The following ANKS1B variants were observed in gnomAD, a reference collection of about 807,000 sequenced individuals.
ANKS1B encodes ankyrin repeat and sterile alpha motif domain-containing protein 1B.
Under a neutral mutation model 148.3 loss-of-function variants are expected in ANKS1B, and 36 were observed. The observed-to-expected ratio is 0.24, with a 90% CI of 0.19 to 0.32. ANKS1B has a LOEUF of 0.32. Ranked by LOEUF, ANKS1B falls within the 10% of genes least tolerant of loss-of-function variation. The pLI, the probability that ANKS1B is intolerant of heterozygous loss-of-function variation, is 1.00. For missense variants in ANKS1B, 1,157 were observed against 1,542.6 expected (o/e 0.75, Z 4.19); for synonymous variants, 542 against 560.8 (o/e 0.97, Z 0.47).
chr12:99,950,414 C>A (rs1281891729), intron 1 of ANKS1B, among the ~76,000 whole-genome samples: 1 of 151,962 alleles, frequency 6.6e-6, no homozygotes, highest in African/African-American at 2.4e-5. Flanking sequence ...GCATCCTCCC[C>A]ACTCTCCTTC....
chr12:99,761,189 C>T (rs2062075891), intron 8 of ANKS1B, among the ~76,000 whole-genome samples: 1 of 151,426 alleles, frequency 6.6e-6, no homozygotes, highest in Non-Finnish European at 1.5e-5. Flanking sequence ...ATGAACTCCT[C>T]CCTAACTCAT....
At position 98,735,251 on chromosome 12, in the gene ANKS1B, A is replaced by G. The variant is rs2097767853; in HGVS notation, c.*309T>C. The G allele has an allele frequency of 2.5e-5, 10 of 399,040 alleles. No homozygotes were observed. In the South Asian group the frequency reaches 8.8e-4, roughly 35 times the overall value. The allele number at this position is 399,040 out of a possible 1,614,324, so 24.7% of individuals were successfully genotyped here. A position where few individuals can be genotyped will look rare whatever the true frequency, so the allele number is the denominator to read the frequency against. On this transcript the variant is annotated 3_prime_UTR_variant, in exon 10 of 10. Coordinates refer to the ANKS1B transcript ENST00000341752. ...ATTTTCCCTTGCTGTATTTTTTTGTATTATAAATTACATTGGACTTCATAT... is the reference window on the plus strand; with the variant it reads ...ATTTTCCCTTGCTGTATTTTTTTGTGTTATAAATTACATTGGACTTCATAT...
intron 14 of ANKS1B, among the ~76,000 whole-genome samples, chr12:99,211,331 G>A (rs1245280036): frequency 1.3e-5 from 2 of 152,162 alleles, no homozygotes; most frequent in Non-Finnish European, 2.9e-5. Context: ...AACCAGGAGA[G>A]TGAGAGATAA....
At chr12:98,782,704 C>A (rs2098749354) in intron 22 of ANKS1B, among the ~76,000 whole-genome samples, 1 of 152,152 alleles carries the variant, frequency 6.6e-6, no homozygotes, top group Admixed American at 6.5e-5. Context: ...GTTTCAAAAA[C>A]AATGGCTTAC....
At chr12:98,909,053 A>C (rs1405117421) in intron 17 of ANKS1B, among the ~76,000 whole-genome samples, 3 of 152,228 alleles carry the variant, frequency 2.0e-5, no homozygotes, top group Non-Finnish European at 4.4e-5. Flanking sequence ...GAAAACAGAC[A>C]GCTTGTGCCA....
At chr12:99,698,835 T>A (rs1256897072) in intron 8 of ANKS1B, among the ~76,000 whole-genome samples, 1 of 152,172 alleles carries the variant, frequency 6.6e-6, no homozygotes, top group Non-Finnish European at 1.5e-5. Context: ...ATTTCTCTCC[T>A]TAAGGCCTAT....
intron 10 of ANKS1B, among the ~76,000 whole-genome samples, chr12:99,488,701 G>A (rs2096526429): frequency 1.3e-5 from 2 of 152,116 alleles, no homozygotes; most frequent in East Asian, 1.9e-4. Flanking sequence ...GCCCACTGCT[G>A]GACCAAGTCA....
intron 11 of ANKS1B, among the ~76,000 whole-genome samples, chr12:99,441,429 T>C (rs1165171365): frequency 2.0e-5 from 3 of 151,872 alleles, no homozygotes; most frequent in Non-Finnish European, 4.4e-5. Context: ...CATGTGAATA[T>C]ACTACTCCCT....
intron 10 of ANKS1B, among the ~76,000 whole-genome samples, chr12:99,493,532 T>C (rs933412888): frequency 2.0e-5 from 3 of 152,108 alleles, no homozygotes; most frequent in Non-Finnish European, 4.4e-5. Flanking sequence ...GCAGATGGAT[T>C]TGAGAGATAT....
At chr12:99,550,451 C>T (rs2097207567) in intron 9 of ANKS1B, among the ~76,000 whole-genome samples, 2 of 151,994 alleles carry the variant, frequency 1.3e-5, no homozygotes, top group Admixed American at 1.3e-4. Flanking sequence ...TGGTGAAACT[C>T]CGTCTCTACT....
chr12:99,473,146 CTATT>C lies in ANKS1B; in HGVS notation c.1439-29341_1439-29338del, dbSNP rs201678790. Among the ~76,000 whole-genome samples, 1,504 of 152,016 alleles carry C rather than the reference CTATT, an allele frequency of 9.9e-3. 24 individuals are homozygous for C. Among genetic ancestry groups the C allele is most frequent in the African/African-American group, 0.034 (1,429 of 41,518 alleles). On this transcript the variant is annotated intron_variant, in intron 10 of 26. Coordinates refer to ENST00000683438, the MANE Select transcript of ANKS1B (RefSeq NM_001352186.2). ...ATCCGTCTGTGCCTTTATACTTTTA[CTATT>C]TATGTATATAGTCATTAGACATATT...
intron 9 of ANKS1B, among the ~76,000 whole-genome samples, chr12:99,518,422 T>C (rs1348827005): frequency 1.3e-5 from 2 of 152,190 alleles, no homozygotes; most frequent in Non-Finnish European, 2.9e-5. Flanking sequence ...TTTGAATTTC[T>C]TTATGGCTCA....
intron 9 of ANKS1B, among the ~76,000 whole-genome samples, chr12:99,512,293 C>T (rs1177662421): frequency 6.6e-6 from 1 of 151,848 alleles, no homozygotes. Flanking sequence ...GTCCAACGAA[C>T]ATGAAAAAAA....
intron 8 of ANKS1B, among the ~76,000 whole-genome samples, chr12:99,744,197 A>G (rs577167701): frequency 6.6e-6 from 1 of 152,312 alleles, no homozygotes; most frequent in Admixed American, 6.5e-5. Flanking sequence ...TGAAGGGGAA[A>G]GGTTTCAAGT....
intron 17 of ANKS1B, among the ~76,000 whole-genome samples, chr12:98,994,558 G>A (rs547133388): frequency 1.3e-5 from 2 of 152,300 alleles, no homozygotes; most frequent in East Asian, 1.9e-4. Context: ...GGCGGAGGTT[G>A]CAGTGAGCCA....
At chr12:99,857,729 C>T (rs1156722536) in intron 1 of ANKS1B, among the ~76,000 whole-genome samples, 1 of 151,880 alleles carries the variant, frequency 6.6e-6, no homozygotes, top group Non-Finnish European at 1.5e-5. Flanking sequence ...CAGAAATACA[C>T]CCAAATACTT....
intron 9 of ANKS1B, among the ~76,000 whole-genome samples, chr12:99,596,076 A>T (rs1162514668): frequency 6.6e-6 from 1 of 151,956 alleles, no homozygotes; most frequent in Non-Finnish European, 1.5e-5. Context: ...TTCGATCTGA[A>T]TAACAATGTA....
intron 8 of ANKS1B, among the ~76,000 whole-genome samples, chr12:99,737,413 T>C (rs1048284156): frequency 4.6e-5 from 7 of 152,136 alleles, no homozygotes; most frequent in Admixed American, 2.6e-4. Context: ...ATCCTTATGT[T>C]AAGTGAAATA....
chr12:99,258,713 G>T (rs2153980008), intron 12 of ANKS1B, among the ~76,000 whole-genome samples: 1 of 150,192 alleles, frequency 6.7e-6, no homozygotes, highest in East Asian at 2.0e-4. Flanking sequence ...CACTTTCCAG[G>T]TCACCTTCAC....
Sources: allele counts gnomAD v4.1 joint callset (sites outside exome capture counted in the v4.1 genomes callset), GRCh38; gene constraint gnomAD v4.1.1; transcripts MANE v1.5; gene names NCBI Gene and HGNC (gene_info 2026-07-23, HGNC 2026-07-21).